Variants in CFAP52 observed in about 807,000 individuals in gnomAD.
The protein encoded by CFAP52 is cilia- and flagella-associated protein 52.
In CFAP52, 57 loss-of-function variants were observed where a neutral mutation model predicts 70.5. The ratio of observed to expected loss-of-function variants is 0.81; its 90% confidence interval spans 0.65 to 1.01. The LOEUF (loss-of-function observed/expected upper bound fraction) is 1.01. Ranked by LOEUF, CFAP52 falls within the 50% of genes least tolerant of loss-of-function variation. CFAP52 has a pLI of 0.00. For synonymous variants in CFAP52, 267 were observed against 292.5 expected (o/e 0.91, Z 0.89); for missense variants, 785 against 788.5 (o/e 1.00, Z 0.05).
intron 12 of CFAP52, among the ~76,000 whole-genome samples, chr17:9,639,416 G>A (rs553981846): frequency 3.3e-5 from 5 of 151,282 alleles, no homozygotes; most frequent in African/African-American, 9.7e-5. Flanking sequence ...GGGTGACAGA[G>A]CAAGACTCTC....
chr17:9,609,258 C>A (rs1909627739), intron 7 of CFAP52, among the ~76,000 whole-genome samples: 1 of 151,914 alleles, frequency 6.6e-6, no homozygotes, highest in South Asian at 2.1e-4. Flanking sequence ...AATCCCTGTC[C>A]TCATGGAGCT....
intron 1 of CFAP52, among the ~76,000 whole-genome samples, chr17:9,584,780 C>A (rs972341174): frequency 1.3e-5 from 2 of 152,018 alleles, no homozygotes; most frequent in African/African-American, 4.8e-5. Flanking sequence ...CACCACCAAG[C>A]CCAGCTAATT....
At chr17:9,622,566 AGAAGAAGAT>A (rs1386500986) in intron 8 of CFAP52, among the ~76,000 whole-genome samples, 2 of 151,928 alleles carry the variant, frequency 1.3e-5, no homozygotes, top group African/African-American at 2.4e-5. Context: ...AAGAAGAAGA[AGAAGAAGAT>A]GATGATGATG....
chr17:9,577,739 G>C (rs1207754525), intron 1 of CFAP52, among the ~76,000 whole-genome samples: 1 of 152,198 alleles, frequency 6.6e-6, no homozygotes, highest in African/African-American at 2.4e-5. Flanking sequence ...CAATTGAGCA[G>C]CCTACAGTGG....
At chr17:9,601,030 A>G (rs1909245086) in intron 6 of CFAP52, among the ~76,000 whole-genome samples, 2 of 152,184 alleles carry the variant, frequency 1.3e-5, no homozygotes, top group African/African-American at 4.8e-5. Context: ...CAACAATGAT[A>G]GACTGGATTA....
chr17:9,585,011 G>A (rs926241409), intron 1 of CFAP52, among the ~76,000 whole-genome samples: 1 of 152,144 alleles, frequency 6.6e-6, no homozygotes, highest in Non-Finnish European at 1.5e-5. Context: ...TATGCTTTGT[G>A]AAGTAAAATA....
chr17:9,593,771 C>T (rs1326267162), intron 3 of CFAP52, among the ~76,000 whole-genome samples: 1 of 152,088 alleles, frequency 6.6e-6, no homozygotes. Flanking sequence ...TCGAAACCAT[C>T]CTGGCCAACA....
chr17:9,581,859 C>T (rs960231242), intron 1 of CFAP52, among the ~76,000 whole-genome samples: 2 of 152,174 alleles, frequency 1.3e-5, no homozygotes, highest in Non-Finnish European at 2.9e-5. Context: ...CGCAGTTCCA[C>T]TCTTATAGGA....
chr17:9,614,772 C>G lies in CFAP52; in HGVS notation c.1025+2293C>G, dbSNP rs140232866. Among the ~76,000 whole-genome samples the G allele has an allele frequency of 9.8e-4, 149 of 152,292 alleles. 1 individual carries two copies. The highest frequency in any genetic ancestry group is 1.4e-3 in the Non-Finnish European group (98 of 68,034). The stretch of plus-strand genomic sequence containing the variant: ...GGCAGCATTCCTGGGCTCTACCCAT[C>G]AGACGCGAGTAGCAGCTCCTTCCCT... On this transcript the variant is annotated intron_variant, in intron 8 of 13. Transcript: ENST00000352665.
chr17:9,645,382 T>G (rs902666636), downstream of CFAP52: 2 of 263,822 alleles, frequency 7.6e-6, no homozygotes, highest in African/African-American at 2.3e-5. The surrounding 1 kb of genome is among the most constrained non-coding windows in gnomAD (Gnocchi z 6.8). Context: ...AGACTCCCAG[T>G]CAGCGCAGCG....
At chr17:9,604,624 C>A (rs1288487940) in intron 6 of CFAP52, among the ~76,000 whole-genome samples, 1 of 151,774 alleles carries the variant, frequency 6.6e-6, no homozygotes, top group East Asian at 1.9e-4. Flanking sequence ...AAAAGTTAGC[C>A]AAGTGTGGTG....
At chr17:9,604,988 C>A (rs1909428244) in intron 6 of CFAP52, among the ~76,000 whole-genome samples, 2 of 152,040 alleles carry the variant, frequency 1.3e-5, no homozygotes, top group African/African-American at 2.4e-5. Context: ...TTGTTCATTG[C>A]TGATGGGAAT....
chr17:9,614,426 GATTAC>G (rs1909830915), intron 8 of CFAP52, among the ~76,000 whole-genome samples: 1 of 152,070 alleles, frequency 6.6e-6, no homozygotes, highest in Admixed American at 6.5e-5. Flanking sequence ...AAAGTGCTGG[GATTAC>G]AGGCGTGAGC....
chr17:9,640,418 C>G (rs1334479169), intron 12 of CFAP52, among the ~76,000 whole-genome samples: 1 of 148,386 alleles, frequency 6.7e-6, no homozygotes, highest in Non-Finnish European at 1.5e-5. Flanking sequence ...CCGACAGGTG[C>G]CCCAGAGTGT....
chr17:9,588,391 T>TA (rs1320163496), intron 3 of CFAP52, among the ~76,000 whole-genome samples: 1 of 152,060 alleles, frequency 6.6e-6, no homozygotes. Flanking sequence ...GACAAAGAGT[T>TA]AAGTTGCTGA....
chr17:9,634,253 C>T (rs963138816), intron 10 of CFAP52, among the ~76,000 whole-genome samples: 1 of 152,154 alleles, frequency 6.6e-6, no homozygotes, highest in Non-Finnish European at 1.5e-5. Context: ...AGTTTGTGCT[C>T]ATCTTATTTT....
chr17:9,638,580 C>A, intron 11 of CFAP52, 29 bp from the exon 12 acceptor site: 1 of 1,603,706 alleles, frequency 6.2e-7, no homozygotes. Flanking sequence ...AGAAAGTCGA[C>A]TTTCACAGCT....
chr17:9,622,283 C>T (rs914963207), intron 8 of CFAP52, among the ~76,000 whole-genome samples: 13 of 152,250 alleles, frequency 8.5e-5, no homozygotes, highest in African/African-American at 3.1e-4. Context: ...TGCAGTGGCT[C>T]TTGCCTGTAA....
intron 2 of CFAP52, 39 bp downstream of exon 2, chr17:9,586,011 G>C (rs1908455501): frequency 6.2e-7 from 1 of 1,605,074 alleles, no homozygotes; most frequent in African/African-American, 1.3e-5. Flanking sequence ...AATTTATCTA[G>C]AGGTGCCTCC....
Sources: gnomAD v4.1 joint callset for allele counts (sites outside exome capture counted in the v4.1 genomes callset) on GRCh38, gnomAD v4.1.1 for gene constraint, Gnocchi (gnomAD v3.1) non-coding constraint, MANE v1.5 for transcripts, NCBI Gene and HGNC (gene_info 2026-07-23, HGNC 2026-07-21) for gene names.